The following FARP2 variants were observed in gnomAD, a reference collection of about 807,000 sequenced individuals.
FARP2 encodes the protein FERM, ARHGEF and pleckstrin domain-containing protein 2.
FARP2 carries 111 observed loss-of-function variants against 130.5 expected under a neutral mutation model. The ratio of observed to expected loss-of-function variants is 0.85; its 90% CI spans 0.73 to 1.00. The LOEUF (loss-of-function observed/expected upper bound fraction) is 1.00, where lower values mean the gene tolerates loss of function less well. FARP2 is among the 50% of genes least tolerant of loss of function. FARP2 has a pLI of 0.00. For missense variants in FARP2, 1,385 were observed against 1,346.3 expected, an observed-to-expected ratio of 1.03 and a Z score of -0.45; for synonymous variants, 504 against 516.9, an observed-to-expected ratio of 0.98 and a Z score of 0.34.
At chr2:241,367,023 T>C (rs2061333104) in intron 1 of FARP2, among the ~76,000 whole-genome samples, 1 of 152,104 alleles carries the variant, frequency 6.6e-6, no homozygotes, top group African/African-American at 2.4e-5. Flanking sequence ...GTAAGCGCTC[T>C]TCCATCAGCA....
chr2:241,400,000 G>T (rs1405331506), intron 2 of FARP2, among the ~76,000 whole-genome samples: 1 of 152,148 alleles, frequency 6.6e-6, no homozygotes, highest in Non-Finnish European at 1.5e-5. Flanking sequence ...GTGAATTTTT[G>T]TGCCCGTATT....
chr2:241,440,905 T>A (rs1472934816), intron 12 of FARP2, among the ~76,000 whole-genome samples: 1 of 152,150 alleles, frequency 6.6e-6, no homozygotes, highest in Non-Finnish European at 1.5e-5. Flanking sequence ...AATCCCAGCA[T>A]GTTGGAAGGC....
At chr2:241,458,681 C>CA (rs11300600) in intron 14 of FARP2, among the ~76,000 whole-genome samples, 7,367 of 143,802 alleles carry the variant, frequency 0.051, 563 homozygotes, top group Admixed American at 0.2. Flanking sequence ...TTCTTTGGTA[C>CA]AAAAAAAAAA....
At chr2:241,432,516 G>C (rs191703941) in intron 9 of FARP2, among the ~76,000 whole-genome samples, 26 of 152,342 alleles carry the variant, frequency 1.7e-4, no homozygotes, top group Admixed American at 1.4e-3. Context: ...GAGAGCTTCA[G>C]AATGAACTGA....
At chr2:241,475,000 G>C (rs1055589243) in intron 18 of FARP2, among the ~76,000 whole-genome samples, 4 of 152,066 alleles carry the variant, frequency 2.6e-5, no homozygotes, top group African/African-American at 9.7e-5. Context: ...GTATAACTTT[G>C]TGTTTTAAGT....
rs556366110 is a variant in FARP2, at chr2:241,438,661, G to A, written c.1158+2123G>A. Among the ~76,000 whole-genome samples the A allele has an allele frequency of 2.8e-3, 386 of 139,516 alleles. 2 individuals are homozygous for A. The highest frequency in any genetic ancestry group is 0.012 in the Middle Eastern group (3 of 250). The allele number at this position is 139,516 out of a possible 152,430, so 91.5% of individuals were successfully genotyped here. A position where few individuals can be genotyped will look rare whatever the true frequency, so the allele number is the denominator to read the frequency against. On this transcript the variant is annotated intron_variant, in intron 12 of 26. Coordinates refer to ENST00000264042, the MANE Select transcript of FARP2 (RefSeq NM_014808.4). ...TTTTTTTTTTTTGAGACAGAGTCTC[G>A]CTCTGTCGCCCAGGCTGGAGTGCAG... is the stretch of plus-strand genomic sequence containing the variant.
chr2:241,444,845 T>G (rs1393709943), intron 13 of FARP2: 1 of 152,200 alleles, frequency 6.6e-6, no homozygotes, highest in Non-Finnish European at 1.5e-5. Context: ...CCGCATCACC[T>G]CAAATTCAGT....
chr2:241,413,218 A>ATT (rs141753202), intron 6 of FARP2, 89 bp from the exon 7 acceptor site: 40 of 715,208 alleles, frequency 5.6e-5, no homozygotes, highest in South Asian at 6.7e-5. Context: ...ATTTGGGATA[A>ATT]TTTTTTTTTA....
Position 241,431,737 on chromosome 2 carries a change from G to A in FARP2, c.830G>A (p.Arg277Lys). The A allele has an allele frequency of 6.3e-7, 1 of 1,593,830 alleles. No individual in the cohort carries two copies. ...AAGGTCCGTAAACTAAGCTTCAAGA[G>A]GAAAAGATTTCTTATCAAACTTCAT... ...WSKVRKLSFK[R>K]KRFLIKLHPE... is the part of the protein sequence containing the mutation. Residue 277 changes from arginine to lysine, a missense_variant, in exon 9 of 27, where the codon AGG becomes AAG. Physicochemically the swap from Arg to Lys is conservative, Grantham distance 26. Coordinates refer to ENST00000264042, the MANE Select transcript of FARP2 (RefSeq NM_014808.4).
chr2:241,466,691 C>CA, intron 17 of FARP2: 5 of 469,694 alleles, frequency 1.1e-5, no homozygotes, highest in Non-Finnish European at 1.3e-5. Context: ...TTCCAACCAC[C>CA]CCCCCCCCCA....
chr2:241,465,995 TA>T (rs956002123), intron 17 of FARP2: 2 of 1,377,162 alleles, frequency 1.5e-6, no homozygotes, highest in Non-Finnish European at 1.9e-6. Flanking sequence ...TGCACTAATT[TA>T]AAATTGAAAT....
intron 2 of FARP2, among the ~76,000 whole-genome samples, chr2:241,397,171 C>G (rs1054632925): frequency 3.3e-5 from 5 of 152,076 alleles, no homozygotes; most frequent in African/African-American, 1.2e-4. Context: ...ACATCACACT[C>G]TGGGGACTGT....
intron 12 of FARP2, among the ~76,000 whole-genome samples, chr2:241,438,028 C>T (rs1559769864): frequency 6.6e-6 from 1 of 152,092 alleles, no homozygotes; most frequent in South Asian, 2.1e-4. Flanking sequence ...AGGCTGGTCT[C>T]GAACTCCTGG....
intron 13 of FARP2, chr2:241,442,773 G>C (rs1463992631): frequency 3.4e-6 from 1 of 297,778 alleles, no homozygotes; most frequent in African/African-American, 2.2e-5. Flanking sequence ...TCCTCCTAGA[G>C]GACCGATAAA....
intron 18 of FARP2, among the ~76,000 whole-genome samples, chr2:241,469,401 T>G (rs2064254342): frequency 6.6e-6 from 1 of 152,144 alleles, no homozygotes; most frequent in Admixed American, 6.6e-5. Flanking sequence ...ACAAGTAAAT[T>G]TTATCATTGT....
At position 241,462,525 on chromosome 2, in the gene FARP2, C is replaced by T. The variant is rs371395049; in HGVS notation, c.1590C>T (p.Arg530=). ...TTACAGCTCTCTGCTTCTTTCAGCG[C>T]GTGCCTGCAGACGAGGCCTACTTCA... ...GMDCEEPRHK[R]VPADEAYFIV... Residue 530 remains arginine (R), a splice_region_variant and synonymous_variant, in exon 15 of 27, where the codon CGC becomes CGT. Transcript: ENST00000264042. 1.1e-5 allele frequency: 18 copies of T among 1,612,014 alleles called. No homozygotes were observed. The highest frequency in any genetic ancestry group is 4.5e-5 in the East Asian group (2 of 44,882).
intron 17 of FARP2, 49 bp from the exon 18 acceptor site, chr2:241,468,091 G>A: frequency 3.2e-6 from 4 of 1,241,086 alleles, no homozygotes; most frequent in Non-Finnish European, 4.8e-6. Context: ...GTCTCCCCCT[G>A]GACTCCTACA....
chr2:241,396,756 C>A (rs2062040159), intron 2 of FARP2, among the ~76,000 whole-genome samples: 1 of 152,112 alleles, frequency 6.6e-6, no homozygotes, highest in Admixed American at 6.6e-5. Context: ...CTAGTTCAAC[C>A]ATTGTGGAAG....
chr2:241,451,334 T>C (rs2063652381), intron 13 of FARP2, among the ~76,000 whole-genome samples: 1 of 152,206 alleles, frequency 6.6e-6, no homozygotes, highest in African/African-American at 2.4e-5. Context: ...GTCTATGCAA[T>C]GAAGCCCATT....
Sources: gnomAD v4.1 joint callset for allele counts (sites outside exome capture counted in the v4.1 genomes callset) on GRCh38, gnomAD v4.1.1 for gene constraint, MANE v1.5 for transcripts, NCBI Gene and HGNC (gene_info 2026-07-23, HGNC 2026-07-21) for gene names.